Variants in KNL1 observed in about 807,000 individuals in gnomAD.
KNL1 encodes the protein outer kinetochore KNL1 complex subunit KNL1.
Under a neutral mutation model 201.3 loss-of-function variants are expected in KNL1, and 66 were observed. The ratio of observed to expected loss-of-function variants is 0.33; its 90% CI spans 0.27 to 0.40. The LOEUF is 0.40. Ranked by LOEUF, KNL1 falls within the 10% of genes least tolerant of loss-of-function variation. The pLI, the probability that KNL1 is intolerant of heterozygous loss-of-function variation, is 1.00. For missense variants in KNL1, 2,815 were observed against 2,690.5 expected, an observed-to-expected ratio of 1.05 and a Z score of -1.02; for synonymous variants, 895 against 899.2, an observed-to-expected ratio of 1.00 and a Z score of 0.08.
In KNL1 at chr15:40,614,435, G is replaced by T. The variant is rs58979164; in HGVS notation, c.285-906G>T. On this transcript the variant is annotated intron_variant, in intron 7 of 25. Transcript: ENST00000399668. The stretch of plus-strand genomic sequence containing the variant: ...TTTAGTAGAAGCGGTGTTTCACCAT[G>T]TCGGCCAAGCTAGTCTCAAACTCCT... 3.8e-3 allele frequency among the ~76,000 whole-genome samples: 581 copies of T among 152,048 alleles called. 4 individuals are homozygous for T. Among genetic ancestry groups the T allele is most frequent in the African/African-American group, 0.013 (559 of 41,474 alleles).
chr15:40,616,750 A>G (rs896578700), intron 8 of KNL1, among the ~76,000 whole-genome samples: 1 of 152,134 alleles, frequency 6.6e-6, no homozygotes, highest in African/African-American at 2.4e-5. Flanking sequence ...AAATGGTTCA[A>G]TGACACTGTT....
At chr15:40,642,322 C>T (rs1426017120) in intron 14 of KNL1, among the ~76,000 whole-genome samples, 1 of 151,878 alleles carries the variant, frequency 6.6e-6, no homozygotes, top group Non-Finnish European at 1.5e-5. Flanking sequence ...TGGCGCGAAC[C>T]CAGGAGGTGG....
chr15:40,663,585 A>G lies in KNL1; in HGVS notation c.*1397A>G, dbSNP rs1361609159. On this transcript the variant is annotated 3_prime_UTR_variant, in exon 26 of 26. Coordinates refer to ENST00000399668, the MANE Select transcript of KNL1 (RefSeq NM_144508.5). Reference sequence around the variant, plus strand: ...TCTTTTATTAAATAGTGACACGTCAAACAATGTCACATCCAAAACACTAGT... The same window carrying G: ...TCTTTTATTAAATAGTGACACGTCAGACAATGTCACATCCAAAACACTAGT... 1 of 191,638 alleles carries G rather than the reference A, an allele frequency of 5.2e-6. No homozygotes were observed. The highest frequency in any genetic ancestry group is 2.3e-5 in the African/African-American group (1 of 43,064). 11.9% of individuals were successfully genotyped at this position (191,638 alleles called of 1,614,324 possible).
chr15:40,652,010 C>T lies in KNL1; in HGVS notation c.6320C>T (p.Ser2107Phe), dbSNP rs753408741. The part of the protein sequence containing the change: ...TEELLDQLSL[S>F]EWDVVEWSDD... ...TCTTGTTTATCTCTCTACAGCTTGT[C>T]TGAGTGGGATGTCGTTGAGTGGAGT... Residue 2107 changes from serine to phenylalanine, a missense_variant, in exon 21 of 26, where the codon TCT becomes TTT. Coordinates refer to ENST00000399668, the MANE Select transcript of KNL1 (RefSeq NM_144508.5). The T allele has an allele frequency of 1.2e-6, 2 of 1,611,744 alleles. No homozygotes were observed. Among genetic ancestry groups the T allele is most frequent in the Non-Finnish European group, 1.7e-6 (2 of 1,178,058 alleles).
At chr15:40,633,030 C>G (rs1156262100) in intron 13 of KNL1, among the ~76,000 whole-genome samples, 2 of 151,936 alleles carry the variant, frequency 1.3e-5, no homozygotes, top group African/African-American at 4.8e-5. Context: ...CAGGGGGTCC[C>G]ATAGGATTTT....
At chr15:40,634,402 G>A (rs762528489) in intron 13 of KNL1, among the ~76,000 whole-genome samples, 1 of 152,238 alleles carries the variant, frequency 6.6e-6, no homozygotes, top group Non-Finnish European at 1.5e-5. Flanking sequence ...ACCACGCCTG[G>A]TGCGTGAATA....
intron 1 of KNL1, among the ~76,000 whole-genome samples, chr15:40,596,799 G>A (rs555775737): frequency 1.3e-5 from 2 of 151,868 alleles, no homozygotes; most frequent in East Asian, 3.9e-4. Context: ...TCAGGAGTTT[G>A]AGACCAGCCT....
intron 20 of KNL1, 101 bp from the exon 21 acceptor site, chr15:40,651,904 A>G (rs1893576186): frequency 1.5e-6 from 1 of 676,626 alleles, no homozygotes; most frequent in South Asian, 2.0e-5. Context: ...CAGTGGAAAA[A>G]CATTAGCAGC....
intron 22 of KNL1, among the ~76,000 whole-genome samples, chr15:40,655,585 C>T (rs1893700333): frequency 1.4e-5 from 1 of 71,068 alleles, no homozygotes; most frequent in African/African-American, 5.6e-5. Flanking sequence ...AGCAAGGCTC[C>T]ATCTCAAAAA....
At chr15:40,628,323 A>G in intron 11 of KNL1, 115 bp downstream of exon 11, 2 of 1,052,298 alleles carry the variant, frequency 1.9e-6, no homozygotes, top group Non-Finnish European at 2.7e-6. Flanking sequence ...GGGGTTATAA[A>G]AAGTTGATCA....
chr15:40,621,900 A>G lies in KNL1; in HGVS notation c.1636A>G (p.Arg546Gly), dbSNP rs771812329. 7 of 1,613,700 alleles carry G rather than the reference A, an allele frequency of 4.3e-6. No individual in the cohort carries two copies. Among genetic ancestry groups the G allele is most frequent in the Non-Finnish European group, 5.9e-6 (7 of 1,179,696 alleles). The change falls in exon 10 of 26, where the codon AGA (arginine) becomes GGA (glycine). Residue 546 changes from arginine to glycine, a missense_variant. Arg to Gly is a moderately radical substitution (Grantham distance 125). Around this residue, in one of 3 missense-constraint regions of KNL1, gnomAD observed 2,464 missense variants for 2,291.7 expected, o/e 1.08. Coordinates refer to ENST00000399668, the MANE Select transcript of KNL1 (RefSeq NM_144508.5). ...CNSVPHVSKE[R>G]IQQSLSNPLS... ...CTCAGTTCCTCATGTATCTAAGGAA[A>G]GAATACAGCAGAGCCTGTCAAATCC...
chr15:40,621,933 A>C lies in KNL1; in HGVS notation c.1669A>C (p.Ile557Leu), dbSNP rs776499112. 7 of 1,613,678 alleles carry C rather than the reference A, an allele frequency of 4.3e-6. No homozygotes were observed. The highest frequency in any genetic ancestry group is 5.9e-6 in the Non-Finnish European group (7 of 1,179,724). The change falls in exon 10 of 26, where the codon ATT becomes CTT. Residue 557 changes from isoleucine to leucine, a missense_variant. Ile to Leu is a conservative substitution (Grantham distance 5, BLOSUM62 2). Around this residue, in one of 3 missense-constraint regions of KNL1, gnomAD observed 2,464 missense variants for 2,291.7 expected, o/e 1.08. Transcript: ENST00000399668. ...IQQSLSNPLS[I>L]SLTDRKTELL... Reference sequence around the variant, plus strand: ...GCAGAGCCTGTCAAATCCTTTGTCTATTTCATTGACTGATAGAAAGACTGA... The same window carrying C: ...GCAGAGCCTGTCAAATCCTTTGTCTCTTTCATTGACTGATAGAAAGACTGA...
chr15:40,649,783 C>A (rs1430586427), intron 17 of KNL1, among the ~76,000 whole-genome samples: 1 of 152,154 alleles, frequency 6.6e-6, no homozygotes, highest in Non-Finnish European at 1.5e-5. Flanking sequence ...CTACTTTGGT[C>A]TTTGCTACTA....
At chr15:40,633,053 G>C (rs1259050810) in intron 13 of KNL1, among the ~76,000 whole-genome samples, 1 of 152,096 alleles carries the variant, frequency 6.6e-6, no homozygotes, top group African/African-American at 2.4e-5. Flanking sequence ...TGGAGGCCAG[G>C]CATCGTGGCT....
At chr15:40,619,048 C>A in intron 9 of KNL1, 37 bp downstream of exon 9, 1 of 1,322,790 alleles carries the variant, frequency 7.6e-7, no homozygotes, top group Non-Finnish European at 1.1e-6. Context: ...ATTGTAATGT[C>A]ATTTGATTGT....
rs1255890326 is a variant in KNL1, at chr15:40,623,216, A to C, written c.2952A>C (p.Gly984=). The change falls in exon 10 of 26, where the codon GGA becomes GGC. Residue 984 remains glycine, a synonymous_variant. Coordinates refer to ENST00000399668, the MANE Select transcript of KNL1 (RefSeq NM_144508.5). The stretch of plus-strand genomic sequence containing the variant: ...AACTATCCCAAAGGAAAAGCCTAGG[A>C]ACACCAACAGTGATATGTACTCCTA... ...NFELSQRKSL[G]TPTVICTPTE... is the part of the protein sequence containing the mutation. The C allele has an allele frequency of 6.2e-7, 1 of 1,614,016 alleles. No individual in the cohort carries two copies. The highest frequency in any genetic ancestry group is 1.7e-5 in the Admixed American group (1 of 60,010).
chr15:40,623,985 A>G lies in KNL1; in HGVS notation c.3721A>G (p.Thr1241Ala). The G allele has an allele frequency of 1.2e-6, 2 of 1,613,918 alleles. No individual in the cohort carries two copies. Among genetic ancestry groups the G allele is most frequent in the Non-Finnish European group, 8.5e-7 (1 of 1,179,920 alleles). The change falls in exon 10 of 26, where the codon ACT (threonine) becomes GCT (alanine). Residue 1241 changes from threonine to alanine, a missense_variant. By Grantham distance (58) the Thr-to-Ala change is moderately conservative. Coordinates refer to ENST00000399668, the MANE Select transcript of KNL1 (RefSeq NM_144508.5). ...QQLFAATNRT[T>A]NEIIKFHSAA... ...ACTCTTTGCTGCTACTAATAGAACT[A>G]CTAATGAAATCATCAAATTTCATAG...
At chr15:40,638,250 AG>A (rs796354031) in intron 13 of KNL1, among the ~76,000 whole-genome samples, 8 of 36,546 alleles carry the variant, frequency 2.2e-4, no homozygotes, top group African/African-American at 7.6e-4. Flanking sequence ...AGGGGAAGGG[AG>A]GGGGGAGGGG....
At position 40,652,377 on chromosome 15, in the gene KNL1, A is replaced by G. The variant is rs117489176; in HGVS notation, c.6415+272A>G. The stretch of plus-strand genomic sequence containing the variant: ...ATGGATAAACATGCTACTCATGTCT[A>G]TTTACTATGAGTTTCTTTCTTTTCA... On this transcript the variant is annotated intron_variant, in intron 21 of 25. Transcript: ENST00000399668. Among the ~76,000 whole-genome samples the G allele has an allele frequency of 9.1e-4, 138 of 151,800 alleles. No homozygotes were observed. In the East Asian group the frequency reaches 0.015, roughly 16 times the overall value.
Sources: allele counts gnomAD v4.1 joint callset (sites outside exome capture counted in the v4.1 genomes callset), GRCh38; gene constraint gnomAD v4.1.1; regional missense constraint gnomAD v4.1.1; transcripts MANE v1.5; gene names NCBI Gene and HGNC (gene_info 2026-07-23, HGNC 2026-07-21).